FGF13: variants seen among roughly 807,000 people sequenced by gnomAD.
FGF13 encodes the protein fibroblast growth factor 13, also known as fibroblast growth factor homologous factor 2.
FGF13 carries 2 observed loss-of-function variants against 19.5 expected under a neutral mutation model. The ratio of observed to expected loss-of-function variants is 0.10; its 90% confidence interval spans 0.04 to 0.32. The LOEUF (loss-of-function observed/expected upper bound fraction) is 0.32, where lower values mean the gene tolerates loss of function less well. FGF13 is among the 10% of genes least tolerant of loss of function. The probability of loss-of-function intolerance (pLI) is 1.00; values close to 1 mark genes in which losing one functional copy is unlikely to be tolerated. For synonymous variants in FGF13, 72 were observed against 76.9 expected, an observed-to-expected ratio of 0.94 and a Z score of 0.33; for missense variants, 113 against 192.7, an observed-to-expected ratio of 0.59 and a Z score of 2.45.
At chrX:138,988,914 T>C (rs2092004011) in intron 1 of FGF13, among the ~76,000 whole-genome samples, 1 of 111,922 alleles carries the variant, frequency 8.9e-6, no homozygotes, top group Admixed American at 9.5e-5. Context: ...CTAGGAAATA[T>C]ATACAAATAT....
intron 1 of FGF13, among the ~76,000 whole-genome samples, chrX:139,156,280 C>G (rs757903070): frequency 7.2e-5 from 8 of 111,644 alleles, no homozygotes; most frequent in African/African-American, 2.3e-4. Flanking sequence ...TTACTACCTC[C>G]CCTCTCCCCT....
At chrX:138,935,481 A>T (rs1006342865) in intron 1 of FGF13, among the ~76,000 whole-genome samples, 5 of 111,718 alleles carry the variant, frequency 4.5e-5, no homozygotes, top group African/African-American at 1.6e-4. Context: ...GAAAAGAATC[A>T]GGTGCCAAGT....
rs1321465070 is a variant in FGF13 at position 138,711,487 on chromosome X, G to A, written c.-484C>T. On this transcript the variant is annotated 5_prime_UTR_variant, in exon 1 of 5. Transcript: ENST00000315930. The stretch of plus-strand genomic sequence containing the variant: ...GGAGCTCGGGCGGCCGGACGGAGGA[G>A]GGACGAGGCAGCGCGCGGGGGAGCG... 9.6e-5 allele frequency: 72 copies of A among 747,359 alleles called. No individual in the cohort carries two copies. Among genetic ancestry groups the A allele is most frequent in the Non-Finnish European group, 9.3e-5 (59 of 632,673 alleles). 61.6% of individuals were successfully genotyped at this position (747,359 alleles called of 1,213,427 possible). A position where few individuals can be genotyped will look rare whatever the true frequency, so the allele number is the denominator to read the frequency against.
intron 3 of FGF13, among the ~76,000 whole-genome samples, chrX:138,801,065 C>T (rs1166131980): frequency 1.8e-5 from 2 of 112,118 alleles, no homozygotes; most frequent in Non-Finnish European, 3.8e-5. Context: ...TACCCATCTT[C>T]TGAAGCCTAC....
chrX:138,671,853 G>A (rs1367670250), intron 3 of FGF13, among the ~76,000 whole-genome samples: 5 of 110,065 alleles, frequency 4.5e-5, no homozygotes, highest in Non-Finnish European at 3.8e-5. Flanking sequence ...ATAGATAATG[G>A]GAGATAGGAA....
intron 3 of FGF13, among the ~76,000 whole-genome samples, chrX:138,822,425 C>A (rs1445163407): frequency 9.0e-6 from 1 of 111,629 alleles, no homozygotes; most frequent in African/African-American, 3.3e-5. Flanking sequence ...AGTGTCCTTG[C>A]AGAAAATAGA....
upstream of FGF13, among the ~76,000 whole-genome samples, chrX:138,712,999 C>T (rs187833509): frequency 3.5e-3 from 395 of 112,404 alleles, no homozygotes; most frequent in Non-Finnish European, 6.1e-3. Flanking sequence ...TGCTACCCCT[C>T]CTTCCACTTC....
intron 1 of FGF13, among the ~76,000 whole-genome samples, chrX:138,912,207 C>T (rs1394770129): frequency 8.9e-6 from 1 of 112,174 alleles, no homozygotes; most frequent in Non-Finnish European, 1.9e-5. Context: ...TCACCCCAAT[C>T]TGTCTTCCCC....
Position 138,628,958 on chromosome X carries a change from GTGT to G in FGF13, c.*3889_*3891del, listed in dbSNP as rs755937031. ...AAAAGTTGCAAAAAGCCTGAAGAAA[GTGT>G]TGTTTTCTTTTCCATATTCATTCTC... On this transcript the variant is annotated 3_prime_UTR_variant, in exon 5 of 5. Coordinates refer to ENST00000315930, the MANE Select transcript of FGF13 (RefSeq NM_004114.5). 2 of 112,196 alleles carry G rather than the reference GTGT, an allele frequency of 1.8e-5. No homozygotes were observed. Among genetic ancestry groups the G allele is most frequent in the East Asian group, 2.8e-4 (1 of 3,549 alleles). The allele number at this position is 112,196 out of a possible 1,213,427, so 9.2% of individuals were successfully genotyped here.
Position 138,618,095 on chromosome X carries a change from TGTC to T in FGF13, c.*14752_*14754del, listed in dbSNP as rs1409398340. On this transcript the variant is annotated 3_prime_UTR_variant, in exon 5 of 5. Coordinates refer to ENST00000315930, the MANE Select transcript of FGF13 (RefSeq NM_004114.5). Reference sequence around the variant, plus strand: ...AGATGGCAGAACAGGAATTTTCTCCTGTCATTTCCCCACTATCTACAATTTTGA... The same window carrying T: ...AGATGGCAGAACAGGAATTTTCTCCTATTTCCCCACTATCTACAATTTTGA... 6 of 112,482 alleles carry T rather than the reference TGTC, an allele frequency of 5.3e-5. No individual in the cohort carries two copies. The highest frequency in any genetic ancestry group is 1.9e-4 in the African/African-American group (6 of 30,963). The allele number at this position is 112,482 out of a possible 1,213,427, so 9.3% of individuals were successfully genotyped here.
chrX:138,630,299 A>C lies in FGF13; in HGVS notation c.*2551T>G, dbSNP rs935971386. 4 of 111,245 alleles carry C rather than the reference A, an allele frequency of 3.6e-5. No homozygotes were observed. Among genetic ancestry groups the C allele is most frequent in the Admixed American group, 9.7e-5 (1 of 10,345 alleles). 9.2% of individuals were successfully genotyped at this position (111,245 alleles called of 1,213,427 possible). ...CAGACCTACACTATTTCTGAACAAC[A>C]GAAAAAGCAAGACCAGCAACTGAAG... On this transcript the variant is annotated 3_prime_UTR_variant, in exon 5 of 5. Coordinates refer to ENST00000315930, the MANE Select transcript of FGF13 (RefSeq NM_004114.5).
rs370317832 is a variant in FGF13 at position 138,972,056 on chromosome X, T to TTGTGTG, written c.-112-107412_-112-107407dup. Among the ~76,000 whole-genome samples, 696 of 94,882 alleles carry TTGTGTG rather than the reference T, an allele frequency of 7.3e-3. 6 individuals are homozygous for TTGTGTG. The highest frequency in any genetic ancestry group is 0.012 in the Admixed American group (102 of 8,492). The allele number at this position is 94,882 out of a possible 115,157, so 82.4% of individuals were successfully genotyped here. ...CTTTTTATGGCTCACTAGTATTCTA[T>TTGTGTG]TGTGTGTGTGTGTGTGTGTGTGTAT... is the stretch of plus-strand genomic sequence containing the variant. On this transcript the variant is annotated intron_variant, in intron 1 of 2. Transcript: ENST00000421460.
intron 1 of FGF13, among the ~76,000 whole-genome samples, chrX:139,172,354 A>G (rs1404909419): frequency 9.0e-6 from 1 of 111,707 alleles, no homozygotes; most frequent in African/African-American, 3.3e-5. Flanking sequence ...GGAGATGACA[A>G]TCAGCCCTGC....
chrX:139,165,206 G>C (rs1361234090), intron 1 of FGF13, among the ~76,000 whole-genome samples: 2 of 112,225 alleles, frequency 1.8e-5, no homozygotes, highest in Non-Finnish European at 3.8e-5. Flanking sequence ...AGGATTTTAT[G>C]GAATGCAGAA....
At chrX:138,854,944 C>A (rs753673752), downstream of FGF13, among the ~76,000 whole-genome samples, 1 of 109,477 alleles carries the variant, frequency 9.1e-6, no homozygotes, top group African/African-American at 3.3e-5. Context: ...AAATGTTTCA[C>A]GTAACAATAA....
intron 1 of FGF13, among the ~76,000 whole-genome samples, chrX:139,174,035 C>T (rs771775531): frequency 3.6e-5 from 4 of 112,150 alleles, no homozygotes; most frequent in African/African-American, 1.3e-4. Flanking sequence ...AAAAGCATTC[C>T]TATTTCTCCA....
At chrX:138,799,698 T>C (rs2090812364) in intron 3 of FGF13, among the ~76,000 whole-genome samples, 3 of 111,064 alleles carry the variant, frequency 2.7e-5, no homozygotes, top group South Asian at 7.7e-4. Context: ...GGAGTCTAAG[T>C]CTCTGTAGGT....
At chrX:139,098,713 G>A (rs1603199313) in intron 1 of FGF13, among the ~76,000 whole-genome samples, 2 of 110,838 alleles carry the variant, frequency 1.8e-5, no homozygotes, top group African/African-American at 6.6e-5. Flanking sequence ...GGGAACAATA[G>A]GCACTGGAGA....
chrX:138,635,397 TAATA>T (rs1178323167), intron 4 of FGF13, 56 bp downstream of exon 4: 29 of 1,084,727 alleles, frequency 2.7e-5, no homozygotes, highest in South Asian at 8.1e-5. Flanking sequence ...TATTGAAATT[TAATA>T]AATAAATAAG....
Sources: allele counts gnomAD v4.1 joint callset (sites outside exome capture counted in the v4.1 genomes callset), GRCh38; gene constraint gnomAD v4.1.1; transcripts MANE v1.5; gene names NCBI Gene and HGNC (gene_info 2026-07-23, HGNC 2026-07-21).